Variants in FER1L6 observed in about 807,000 individuals in gnomAD.
FER1L6 encodes the protein fer-1-like protein 6.
FER1L6 carries 177 observed loss-of-function variants against 219.2 expected under a neutral mutation model. That is an observed-to-expected ratio of 0.81 (90% confidence interval 0.71 to 0.91). The LOEUF is 0.91. Ranked by LOEUF, FER1L6 falls within the 40% of genes least tolerant of loss-of-function variation. The pLI, the probability that FER1L6 is intolerant of heterozygous loss-of-function variation, is 0.00. For synonymous variants in FER1L6, 768 were observed against 824.3 expected, an observed-to-expected ratio of 0.93 and a Z score of 1.17; for missense variants, 2,153 against 2,259.9, an observed-to-expected ratio of 0.95 and a Z score of 0.96.
intron 6 of FER1L6, 46 bp from the exon 7 acceptor site, chr8:123,973,388 A>G (rs373280764): frequency 1.3e-6 from 2 of 1,492,834 alleles, no homozygotes; most frequent in African/African-American, 2.8e-5. Flanking sequence ...AAGGCCTCTT[A>G]TCCTCAAGGT....
At chr8:123,861,135 A>G (rs1400384753) in intron 1 of FER1L6, among the ~76,000 whole-genome samples, 1 of 111,894 alleles carries the variant, frequency 8.9e-6, no homozygotes, top group Non-Finnish European at 1.8e-5. Context: ...TAAATCTTTA[A>G]TCCATCTTGA....
intron 22 of FER1L6, among the ~76,000 whole-genome samples, chr8:124,052,816 A>C (rs1229483978): frequency 6.6e-6 from 1 of 152,072 alleles, no homozygotes; most frequent in Non-Finnish European, 1.5e-5. Flanking sequence ...AACAAACAAA[A>C]AAAACAGCAT....
intron 3 of FER1L6, among the ~76,000 whole-genome samples, chr8:123,963,782 C>A (rs1815407830): frequency 6.6e-6 from 1 of 152,216 alleles, no homozygotes; most frequent in Non-Finnish European, 1.5e-5. Flanking sequence ...TGCTACCCAA[C>A]AAAAAGTCAA....
Position 123,966,159 on chromosome 8 carries a change from A to C in FER1L6, c.253A>C (p.Ile85Leu). 1 of 1,614,018 alleles carries C rather than the reference A, an allele frequency of 6.2e-7. No individual in the cohort carries two copies. Among genetic ancestry groups the C allele is most frequent in the Non-Finnish European group, 8.5e-7 (1 of 1,179,976 alleles). ...GTGTCCACACTGCTTTGTGTTGCAGATTGCCATAACCATCACCGAGGCTCG... is the reference window on the plus strand; with the variant it reads ...GTGTCCACACTGCTTTGTGTTGCAGCTTGCCATAACCATCACCGAGGCTCG... ...DGEVRSQNYQ[I>L]AITITEARQL... The change falls in exon 5 of 41, where the codon ATT becomes CTT. Residue 85 changes from isoleucine to leucine, a missense_variant and splice_region_variant. Coordinates refer to ENST00000522917, the MANE Select transcript of FER1L6 (RefSeq NM_001039112.2).
chr8:123,873,148 C>G (rs1816951597), intron 1 of FER1L6, among the ~76,000 whole-genome samples: 1 of 152,172 alleles, frequency 6.6e-6, no homozygotes, highest in Non-Finnish European at 1.5e-5. Context: ...GAACCATGAT[C>G]CATTTTGGGG....
At chr8:123,856,985 A>T (rs1816660700) in intron 1 of FER1L6, among the ~76,000 whole-genome samples, 1 of 152,090 alleles carries the variant, frequency 6.6e-6, no homozygotes, top group Admixed American at 6.5e-5. Context: ...AGTAGATTCC[A>T]TTCATCTCCT....
rs1218148378 is a variant in FER1L6 at position 124,062,010 on chromosome 8, G to A, written c.3306G>A (p.Val1102=). The A allele has an allele frequency of 6.2e-7, 1 of 1,613,996 alleles. No individual in the cohort carries two copies. The highest frequency in any genetic ancestry group is 8.5e-7 in the Non-Finnish European group (1 of 1,180,002). Residue 1102 remains valine, a synonymous_variant, in exon 25 of 41, where the codon GTG becomes GTA. Coordinates refer to ENST00000522917, the MANE Select transcript of FER1L6 (RefSeq NM_001039112.2). The part of the protein sequence containing the change: ...LREPLAPITQ[V]DGTQPGHDIS... ...AGCCCCTTGCCCCCATCACACAGGT[G>A]GATGGAACCCAGCCTGGGCACGGTG...
intron 15 of FER1L6, among the ~76,000 whole-genome samples, chr8:124,016,814 T>C (rs1194052556): frequency 2.0e-5 from 3 of 152,230 alleles, no homozygotes; most frequent in Admixed American, 6.5e-5. Flanking sequence ...AGTGCTACAA[T>C]ACATATGATT....
In FER1L6 at chr8:123,956,578, A is replaced by G. The variant is rs534405519; in HGVS notation, c.76+504A>G. ...GTTTTACAAGTGAGTTTACAGAGAT[A>G]AAGAGAGAGTAAATAAAGTGTGGAA... On this transcript the variant is annotated intron_variant, in intron 2 of 40. Transcript: ENST00000522917. Among the ~76,000 whole-genome samples the G allele has an allele frequency of 1.7e-4, 26 of 152,294 alleles. No homozygotes were observed. In the South Asian group the frequency reaches 3.9e-3, roughly 23 times the overall value.
At position 124,089,646 on chromosome 8, in the gene FER1L6, T is replaced by C. The variant is rs538176586; in HGVS notation, c.4392-1777T>C. Among the ~76,000 whole-genome samples the C allele has an allele frequency of 2.6e-3, 400 of 152,346 alleles. 4 individuals are homozygous for C. Among genetic ancestry groups the C allele is most frequent in the Non-Finnish European group, 4.1e-3 (279 of 68,028 alleles). On this transcript the variant is annotated intron_variant, in intron 33 of 40. Coordinates refer to ENST00000522917, the MANE Select transcript of FER1L6 (RefSeq NM_001039112.2). ...ATCTGATAGCTTTAAGAGTATGGCA[T>C]AATTTTAAAAATATTTTTATTAAAT...
chr8:123,898,784 T>TATACATATATACATAC (rs2129724673), intron 1 of FER1L6, among the ~76,000 whole-genome samples: 1 of 104,806 alleles, frequency 9.5e-6, no homozygotes. Flanking sequence ...TATATACGTA[T>TATACATATATACATAC]GTACATATAT....
intron 1 of FER1L6, among the ~76,000 whole-genome samples, chr8:123,870,661 G>A (rs1816909223): frequency 6.6e-6 from 1 of 152,190 alleles, no homozygotes; most frequent in Non-Finnish European, 1.5e-5. Flanking sequence ...AGGCAGTATG[G>A]TTAAATAGGT....
intron 1 of FER1L6, among the ~76,000 whole-genome samples, chr8:123,946,755 C>T (rs1674638290): frequency 6.6e-6 from 1 of 152,102 alleles, no homozygotes; most frequent in Admixed American, 6.6e-5. Context: ...TTGCAGACAC[C>T]TGGGCTTAAT....
At chr8:123,986,675 C>T (rs1211373547) in intron 12 of FER1L6, among the ~76,000 whole-genome samples, 1 of 152,024 alleles carries the variant, frequency 6.6e-6, no homozygotes, top group African/African-American at 2.4e-5. Flanking sequence ...CTACCCTTCC[C>T]AGCCTTTGAT....
chr8:123,900,283 T>G (rs1812834170), intron 1 of FER1L6, among the ~76,000 whole-genome samples: 1 of 152,160 alleles, frequency 6.6e-6, no homozygotes, highest in African/African-American at 2.4e-5. Context: ...AGTTCTTGAT[T>G]TGGTTCTCTG....
intron 12 of FER1L6, among the ~76,000 whole-genome samples, chr8:123,996,698 C>T (rs971401625): frequency 3.9e-5 from 6 of 152,004 alleles, no homozygotes; most frequent in African/African-American, 1.4e-4. Flanking sequence ...TCATGGTCTT[C>T]CTTTTCTTCC....
At position 124,017,684 on chromosome 8, in the gene FER1L6, A is replaced by G. The variant is rs755714166; in HGVS notation, c.1979A>G (p.Asp660Gly). ...KPKMLNQTTL[D>G]KKRLTLCWQE... ...AAGATGTTGAACCAAACCACTTTAG[A>G]TAAGAAGCGACTTACGCTCTGCTGG... Residue 660 changes from aspartate (D) to glycine (G), a missense_variant, in exon 16 of 41, where the codon GAT (aspartate) becomes GGT (glycine). Coordinates refer to ENST00000522917, the MANE Select transcript of FER1L6 (RefSeq NM_001039112.2). The G allele has an allele frequency of 6.2e-7, 1 of 1,613,876 alleles. No homozygotes were observed. The highest frequency in any genetic ancestry group is 8.5e-7 in the Non-Finnish European group (1 of 1,179,772).
At position 124,076,284 on chromosome 8, in the gene FER1L6, G is replaced by A; in HGVS notation, c.4179G>A (p.Arg1393=). ...IKLGKTEIKD[R]DKYIPKQLNP... ...TTGGCAAGACAGAAATCAAAGACCG[G>A]GATAAATACATCCCTAAACAACTGA... Residue 1393 remains arginine, a synonymous_variant, in exon 32 of 41, where the codon CGG becomes CGA. Coordinates refer to ENST00000522917, the MANE Select transcript of FER1L6 (RefSeq NM_001039112.2). 4 of 1,613,906 alleles carry A rather than the reference G, an allele frequency of 2.5e-6. No individual in the cohort carries two copies. Among genetic ancestry groups the A allele is most frequent in the Non-Finnish European group, 3.4e-6 (4 of 1,179,830 alleles).
intron 1 of FER1L6, among the ~76,000 whole-genome samples, chr8:123,881,257 C>T (rs1817103763): frequency 6.6e-6 from 1 of 152,070 alleles, no homozygotes; most frequent in African/African-American, 2.4e-5. Context: ...AGAAAAATTG[C>T]TTTTTCTCTA....
Sources: gnomAD v4.1 joint callset for allele counts (sites outside exome capture counted in the v4.1 genomes callset) on GRCh38, gnomAD v4.1.1 for gene constraint, MANE v1.5 for transcripts, NCBI Gene and HGNC (gene_info 2026-07-23, HGNC 2026-07-21) for gene names.